Variants in SLC35D4 observed in about 807,000 individuals in gnomAD.
SLC35D4 encodes the protein UDP-N-acetylglucosamine transporter SLC35D4.
chr18:23,365,648 GC>G, the SLC35D4 span: 1 of 1,613,580 alleles, frequency 6.2e-7, no homozygotes, highest in Middle Eastern at 1.7e-4. Context: ...GGGATGAGAT[GC>G]AAATGCCAGG....
the SLC35D4 span, among the ~76,000 whole-genome samples, chr18:23,261,914 A>G: frequency 6.6e-6 from 1 of 152,198 alleles, no homozygotes; most frequent in Non-Finnish European, 1.5e-5. Context: ...TGGGGCTTCC[A>G]TATGCCATCT....
At chr18:23,376,755 T>G in the SLC35D4 span, 3 of 455,272 alleles carry the variant, frequency 6.6e-6, no homozygotes, top group Admixed American at 7.0e-5. Flanking sequence ...CTCTTGGAAC[T>G]GTGGAAGATG....
At chr18:23,340,217 G>A in the SLC35D4 span, among the ~76,000 whole-genome samples, 12 of 152,044 alleles carry the variant, frequency 7.9e-5, no homozygotes, top group African/African-American at 2.2e-4. Flanking sequence ...CGTGCCTATA[G>A]TCTCAGCCAC....
the SLC35D4 span, among the ~76,000 whole-genome samples, chr18:23,363,543 T>G: frequency 6.6e-6 from 1 of 150,450 alleles, no homozygotes; most frequent in Non-Finnish European, 1.5e-5. Flanking sequence ...CCCGGCTAAT[T>G]TTTTGTATTT....
chr18:23,414,228 T>C, the SLC35D4 span, among the ~76,000 whole-genome samples: 1 of 147,460 alleles, frequency 6.8e-6, no homozygotes, highest in Non-Finnish European at 1.5e-5. Flanking sequence ...CACTCCAGCC[T>C]GAGCAACAGA....
the SLC35D4 span, among the ~76,000 whole-genome samples, chr18:23,239,534 C>T: frequency 1.3e-5 from 2 of 152,158 alleles, no homozygotes; most frequent in Non-Finnish European, 2.9e-5. Context: ...GGTTACAGGC[C>T]GTTTCTCATG....
chr18:23,324,087 G>GA, the SLC35D4 span, among the ~76,000 whole-genome samples: 1,089 of 111,314 alleles, frequency 9.8e-3, 14 homozygotes, highest in African/African-American at 0.03. Flanking sequence ...TGTCTCAAAA[G>GA]AAAAAAAAAA....
the SLC35D4 span, among the ~76,000 whole-genome samples, chr18:23,328,493 A>C: frequency 1.3e-5 from 2 of 152,234 alleles, no homozygotes; most frequent in Non-Finnish European, 2.9e-5. Flanking sequence ...AATCCAACTC[A>C]CAAGGGATGT....
At chr18:23,399,587 C>T in the SLC35D4 span, 250 of 1,613,776 alleles carry the variant, frequency 1.5e-4, no homozygotes, top group Middle Eastern at 2.5e-3. Flanking sequence ...ATGCTCTGGA[C>T]CCAGCATAGA....
the SLC35D4 span, chr18:23,437,720 G>T: frequency 6.5e-7 from 1 of 1,547,316 alleles, no homozygotes; most frequent in Non-Finnish European, 8.8e-7. Context: ...TTTGTCACGG[G>T]AAGATTCTCC....
the SLC35D4 span, among the ~76,000 whole-genome samples, chr18:23,355,428 C>T: frequency 2.8e-4 from 43 of 152,230 alleles, no homozygotes; most frequent in African/African-American, 9.1e-4. Context: ...CGCAGCCGCC[C>T]GCCCAGCACG....
At chr18:23,253,990 C>T in the SLC35D4 span, 3 of 1,506,576 alleles carry the variant, frequency 2.0e-6, no homozygotes, top group South Asian at 3.4e-5. Context: ...GTCCGGGGTT[C>T]CTCTCTCAGA....
At chr18:23,246,399 GTTT>G in the SLC35D4 span, among the ~76,000 whole-genome samples, 1 of 148,884 alleles carries the variant, frequency 6.7e-6, no homozygotes, top group African/African-American at 2.5e-5. Flanking sequence ...TTGTTTTTTG[GTTT>G]TTTTTTTGAG....
At chr18:23,239,091 T>C in the SLC35D4 span, among the ~76,000 whole-genome samples, 1 of 152,262 alleles carries the variant, frequency 6.6e-6, no homozygotes, top group Non-Finnish European at 1.5e-5. Context: ...ATCTTTTTTT[T>C]CTTTAAATGA....
At chr18:23,366,866 C>A in the SLC35D4 span, among the ~76,000 whole-genome samples, 3 of 152,182 alleles carry the variant, frequency 2.0e-5, no homozygotes, top group South Asian at 6.2e-4. Flanking sequence ...CACATCCAGT[C>A]ATTGAGAAGT....
chr18:23,390,558 T>C, the SLC35D4 span, among the ~76,000 whole-genome samples: 1 of 152,224 alleles, frequency 6.6e-6, no homozygotes, highest in African/African-American at 2.4e-5. Context: ...AAAGAGAAAT[T>C]GGTAACTCTC....
At chr18:23,322,564 G>T in the SLC35D4 span, among the ~76,000 whole-genome samples, 1 of 152,176 alleles carries the variant, frequency 6.6e-6, no homozygotes, top group Non-Finnish European at 1.5e-5. Flanking sequence ...TTTCTGAGAA[G>T]GCCATATTCA....
At chr18:23,365,290 C>T in the SLC35D4 span, among the ~76,000 whole-genome samples, 1 of 152,008 alleles carries the variant, frequency 6.6e-6, no homozygotes, top group Non-Finnish European at 1.5e-5. Flanking sequence ...ACTTTTTCAC[C>T]AATTTTTTTA....
chr18:23,410,477 CAA>C, the SLC35D4 span, among the ~76,000 whole-genome samples: 15 of 108,664 alleles, frequency 1.4e-4, no homozygotes, highest in Admixed American at 3.0e-4. Context: ...GACTCTGTCT[CAA>C]AAAAAAAAAA....
Sources: allele counts gnomAD v4.1 joint callset (sites outside exome capture counted in the v4.1 genomes callset), GRCh38; gene constraint gnomAD v4.1.1; transcripts MANE v1.5; gene names NCBI Gene and HGNC (gene_info 2026-07-23, HGNC 2026-07-21).